Variants in BCL2L14 observed in about 807,000 individuals in gnomAD.
BCL2L14 encodes BCL2 like 14.
In BCL2L14, 27 loss-of-function variants were observed where a neutral mutation model predicts 35.3. That is an observed-to-expected ratio of 0.76 (90% CI 0.56 to 1.05). BCL2L14 has a LOEUF of 1.05. Among genes scored for constraint, BCL2L14 ranks in the 50% least tolerant of loss-of-function variants. The probability of loss-of-function intolerance (pLI) is 0.00; values close to 1 mark genes in which losing one functional copy is unlikely to be tolerated. For missense variants in BCL2L14, 377 were observed against 382.6 expected, an observed-to-expected ratio of 0.99 and a Z score of 0.12; for synonymous variants, 139 against 145.9, an observed-to-expected ratio of 0.95 and a Z score of 0.34.
Position 12,094,754 on chromosome 12 carries a change from G to T in BCL2L14, c.769G>T (p.Val257Leu). The T allele has an allele frequency of 6.2e-7, 1 of 1,614,208 alleles. No homozygotes were observed. ...CATCACAGACCAGGTCCTAATGGGT[G>T]TGGACCCCAGGGGAGAATCAGAGGT... The part of the protein sequence containing the change: ...KTITDQVLMG[V>L]DPRGESEVKA... Residue 257 changes from valine (V) to leucine (L), a missense_variant, in exon 5 of 6, where the codon GTG (valine) becomes TTG (leucine). Physicochemically the swap from Val to Leu is conservative, Grantham distance 32. Transcript: ENST00000308721.
intron 1 of BCL2L14, among the ~76,000 whole-genome samples, chr12:12,076,576 G>A (rs1860159056): frequency 6.6e-6 from 1 of 152,262 alleles, no homozygotes; most frequent in South Asian, 2.1e-4. Flanking sequence ...GGTGGGTTTT[G>A]CAACTTGCCC....
chr12:12,078,066 T>C (rs975341201), intron 1 of BCL2L14: 12 of 366,922 alleles, frequency 3.3e-5, no homozygotes, highest in Non-Finnish European at 5.5e-5. Context: ...GCTTGCATCC[T>C]GTTGTTTTAG....
chr12:12,085,154 G>C (rs1010720350), intron 2 of BCL2L14, among the ~76,000 whole-genome samples: 6 of 151,984 alleles, frequency 3.9e-5, no homozygotes, highest in Middle Eastern at 3.5e-3. Flanking sequence ...TGTACCTGTT[G>C]GTGATCTTGT....
chr12:12,094,953 C>T (rs775180704), intron 5 of BCL2L14, 23 bp downstream of exon 5: 1 of 1,600,688 alleles, frequency 6.2e-7, no homozygotes, highest in Non-Finnish European at 8.5e-7. Flanking sequence ...TATTTAAAAA[C>T]AAATTTTCTC....
intron 4 of BCL2L14, among the ~76,000 whole-genome samples, chr12:12,094,231 G>A (rs769874479): frequency 1.8e-4 from 27 of 152,290 alleles, no homozygotes; most frequent in Middle Eastern, 3.4e-3. Flanking sequence ...TAAGTAAGAG[G>A]TGGACCCAGG....
chr12:12,093,435 C>T (rs1411986031), intron 4 of BCL2L14, among the ~76,000 whole-genome samples: 2 of 152,040 alleles, frequency 1.3e-5, no homozygotes, highest in Non-Finnish European at 2.9e-5. Flanking sequence ...GAGTTTGAGA[C>T]CAGCCTGGGC....
intron 4 of BCL2L14, among the ~76,000 whole-genome samples, chr12:12,092,420 C>T (rs1428317074): frequency 6.6e-6 from 1 of 152,156 alleles, no homozygotes; most frequent in East Asian, 1.9e-4. Context: ...GTAGGTGTGA[C>T]CTTGTGCTGG....
chr12:12,098,655 GT>G (rs1213283751), intron 5 of BCL2L14, among the ~76,000 whole-genome samples: 2 of 152,160 alleles, frequency 1.3e-5, no homozygotes, highest in African/African-American at 4.8e-5. Context: ...AACCTTCATA[GT>G]CATTGACCTT....
At chr12:12,056,842 A>G (rs1948440411) in intron 2 of BCL2L14, among the ~76,000 whole-genome samples, 1 of 152,204 alleles carries the variant, frequency 6.6e-6, no homozygotes, top group Admixed American at 6.5e-5. Context: ...ATCTCAAAAC[A>G]AAAACAAAAC....
At chr12:12,065,982 G>A (rs1025976678), upstream of BCL2L14, among the ~76,000 whole-genome samples, 1 of 151,948 alleles carries the variant, frequency 6.6e-6, no homozygotes, top group Non-Finnish European at 1.5e-5. Flanking sequence ...GTAGAGATGG[G>A]GTTTCGCCAT....
At chr12:12,080,873 AAAATT>A (rs1430580215) in intron 2 of BCL2L14, among the ~76,000 whole-genome samples, 1 of 152,204 alleles carries the variant, frequency 6.6e-6, no homozygotes, top group Non-Finnish European at 1.5e-5. Context: ...TCAGTTGGAC[AAAATT>A]AATTGTACTT....
chr12:12,049,946 G>A (rs1399429589), exon 1 of BCL2L14: 1 of 152,144 alleles, frequency 6.6e-6, no homozygotes, highest in African/African-American at 2.4e-5. Context: ...GTTATTGTAA[G>A]GGGGAAATGT....
chr12:12,078,381 G>A (rs977406136), intron 1 of BCL2L14, among the ~76,000 whole-genome samples: 4 of 149,908 alleles, frequency 2.7e-5, no homozygotes, highest in Admixed American at 2.6e-4. Flanking sequence ...TCCCTCTTTT[G>A]CCACCTCCCC....
chr12:12,072,520 C>T (rs940149751), intron 1 of BCL2L14: 2 of 152,278 alleles, frequency 1.3e-5, no homozygotes, highest in African/African-American at 4.8e-5. Flanking sequence ...GGAAGGTAAA[C>T]ATAGGGCAGT....
chr12:12,056,418 T>G (rs1220780825), intron 2 of BCL2L14, among the ~76,000 whole-genome samples: 3 of 152,266 alleles, frequency 2.0e-5, no homozygotes, highest in East Asian at 3.9e-4. Context: ...ACCCCTCATC[T>G]ATAGTAAGAA....
At chr12:12,093,486 A>G (rs1252255191) in intron 4 of BCL2L14, among the ~76,000 whole-genome samples, 1 of 152,058 alleles carries the variant, frequency 6.6e-6, no homozygotes, top group Non-Finnish European at 1.5e-5. Flanking sequence ...TAATAATAAA[A>G]GTTTCTTAAG....
chr12:12,078,803 T>TTTTTTGC lies in BCL2L14; in HGVS notation c.-7-490_-7-489insCTTTTTG, dbSNP rs528248931. ...TCATTAGTTCATTCTCTCTCTGTTG[T>TTTTTTGC]TTTTTGTTTTTTGAGACGGAGTCTC... On this transcript the variant is annotated intron_variant, in intron 1 of 5. Coordinates refer to ENST00000308721, the MANE Select transcript of BCL2L14 (RefSeq NM_138723.2). 7.9e-5 allele frequency among the ~76,000 whole-genome samples: 12 copies of TTTTTTGC among 152,034 alleles called. No homozygotes were observed. The South Asian group carries it at 1.9e-3, about 24-fold the overall frequency.
rs773204969 is a variant in BCL2L14, at chr12:12,094,497, T to C, written c.679-167T>C. ...GAATTCACCGAGCAGTACATGCCCA[T>C]TCTGGTTCTGCAGGACACTGCCTTC... On this transcript the variant is annotated intron_variant, in intron 4 of 5. Coordinates refer to ENST00000308721, the MANE Select transcript of BCL2L14 (RefSeq NM_138723.2). The C allele has an allele frequency of 1.9e-6, 3 of 1,608,556 alleles. No individual in the cohort carries two copies. In the South Asian group the frequency reaches 3.3e-5, roughly 18 times the overall value.
At chr12:12,087,121 G>T in intron 2 of BCL2L14, 92 bp from the exon 3 acceptor site, 1 of 1,372,924 alleles carries the variant, frequency 7.3e-7, no homozygotes, top group South Asian at 1.3e-5. Context: ...TTCTATTCTG[G>T]CCTGGTCTTT....
Sources: allele counts gnomAD v4.1 joint callset (sites outside exome capture counted in the v4.1 genomes callset), GRCh38; gene constraint gnomAD v4.1.1; transcripts MANE v1.5; gene names NCBI Gene and HGNC (gene_info 2026-07-23, HGNC 2026-07-21).